Variants in LHFPL3 observed in about 807,000 individuals in gnomAD.
LHFPL3 encodes the protein LHFPL tetraspan subfamily member 3 protein.
LHFPL3 carries 5 observed loss-of-function variants against 19.3 expected under a neutral mutation model. That is an observed-to-expected ratio of 0.26 (90% CI 0.14 to 0.54). LHFPL3 has a LOEUF of 0.54. LHFPL3 is among the 20% of genes least tolerant of loss of function. The pLI is 0.94. For missense variants in LHFPL3, 249 were observed against 307.4 expected (o/e 0.81, Z 1.42); for synonymous variants, 133 against 126.2 (o/e 1.05, Z -0.36).
At chr7:104,740,459 C>T (rs1420721819) in intron 2 of LHFPL3, among the ~76,000 whole-genome samples, 2 of 152,174 alleles carry the variant, frequency 1.3e-5, no homozygotes, top group Non-Finnish European at 2.9e-5. Flanking sequence ...AACACACTTC[C>T]CCATTTATCT....
At chr7:104,632,973 A>T (rs1055601912) in intron 1 of LHFPL3, among the ~76,000 whole-genome samples, 3 of 152,194 alleles carry the variant, frequency 2.0e-5, no homozygotes, top group Non-Finnish European at 4.4e-5. Context: ...AACTATGAAT[A>T]CTATACAAGT....
intron 1 of LHFPL3, among the ~76,000 whole-genome samples, chr7:104,346,576 T>G (rs1441656820): frequency 6.6e-6 from 1 of 152,164 alleles, no homozygotes; most frequent in Non-Finnish European, 1.5e-5. Flanking sequence ...TCTCTCATAC[T>G]GGGTTAGCAT....
At chr7:104,397,996 C>G (rs1011067028) in intron 1 of LHFPL3, among the ~76,000 whole-genome samples, 5 of 151,936 alleles carry the variant, frequency 3.3e-5, no homozygotes, top group African/African-American at 1.2e-4. Flanking sequence ...ATGTTTATCT[C>G]TTTTAGGATG....
chr7:104,685,233 G>C (rs1489088610), intron 1 of LHFPL3, among the ~76,000 whole-genome samples: 1 of 152,190 alleles, frequency 6.6e-6, no homozygotes, highest in African/African-American at 2.4e-5. Context: ...TGTAGTCCCA[G>C]CTACTCAGGA....
intron 2 of LHFPL3, among the ~76,000 whole-genome samples, chr7:104,776,859 C>T (rs1794644414): frequency 6.6e-6 from 1 of 152,168 alleles, no homozygotes; most frequent in African/African-American, 2.4e-5. Context: ...TGGGCTTTTA[C>T]AACAGAGGAG....
At chr7:104,731,460 T>C (rs1793703544) in intron 1 of LHFPL3, among the ~76,000 whole-genome samples, 1 of 152,230 alleles carries the variant, frequency 6.6e-6, no homozygotes, top group African/African-American at 2.4e-5. Flanking sequence ...GTTGGATTCC[T>C]AGGTATTTTA....
chr7:104,513,699 T>C (rs1793865819), intron 1 of LHFPL3, among the ~76,000 whole-genome samples: 1 of 152,210 alleles, frequency 6.6e-6, no homozygotes, highest in Admixed American at 6.5e-5. Flanking sequence ...AGAACAGCAG[T>C]TCTCCATTTT....
At chr7:104,652,960 G>A (rs866680787) in intron 1 of LHFPL3, among the ~76,000 whole-genome samples, 6 of 152,074 alleles carry the variant, frequency 3.9e-5, no homozygotes, top group African/African-American at 1.4e-4. Flanking sequence ...ATCTCAGCTT[G>A]TTAACTGGTG....
intron 1 of LHFPL3, among the ~76,000 whole-genome samples, chr7:104,612,516 C>T (rs183425916): frequency 1.3e-5 from 2 of 152,262 alleles, no homozygotes; most frequent in East Asian, 1.9e-4. Flanking sequence ...AAAGACATCT[C>T]ATAAATTTTT....
At chr7:104,607,385 A>G (rs967136857) in intron 1 of LHFPL3, among the ~76,000 whole-genome samples, 6 of 152,212 alleles carry the variant, frequency 3.9e-5, no homozygotes, top group African/African-American at 1.4e-4. Context: ...GATGGTCTCA[A>G]AAGAGTTGTC....
chr7:104,570,734 G>A (rs1043007707), intron 1 of LHFPL3, among the ~76,000 whole-genome samples: 6 of 151,854 alleles, frequency 4.0e-5, no homozygotes, highest in African/African-American at 9.7e-5. Flanking sequence ...AGTTTGTTAC[G>A]TAGGTAAACT....
chr7:104,736,944 GCCTC>G (rs1474198154), intron 2 of LHFPL3, 33 bp downstream of exon 2: 2 of 1,509,730 alleles, frequency 1.3e-6, no homozygotes, highest in Non-Finnish European at 9.0e-7. Flanking sequence ...TTACCTGGAT[GCCTC>G]AAGCACAAAA....
chr7:104,503,419 C>A (rs1388805540), intron 1 of LHFPL3, among the ~76,000 whole-genome samples: 1 of 151,934 alleles, frequency 6.6e-6, no homozygotes, highest in East Asian at 1.9e-4. Context: ...CTGTATTTTT[C>A]TAGATTTTCT....
chr7:104,440,243 A>G (rs1246034954), intron 1 of LHFPL3, among the ~76,000 whole-genome samples: 1 of 152,114 alleles, frequency 6.6e-6, no homozygotes, highest in Non-Finnish European at 1.5e-5. Context: ...ATAAAAAAGG[A>G]TGAGTTCATG....
chr7:104,512,906 C>T (rs185422377), intron 1 of LHFPL3, among the ~76,000 whole-genome samples: 371 of 152,258 alleles, frequency 2.4e-3, no homozygotes, highest in Non-Finnish European at 3.0e-3. Flanking sequence ...CAGCTCTTTT[C>T]TCTGTCAGTC....
rs113929007 is a variant in LHFPL3, at chr7:104,514,001, G to A, written c.445+184777G>A. ...ACTGTGGCTGTAGTGATGAGGTTAA[G>A]TACATAATGGTTTTAAGGTAGAGGA... On this transcript the variant is annotated intron_variant, in intron 1 of 2. Transcript: ENST00000424859. 2.6e-3 allele frequency among the ~76,000 whole-genome samples: 401 copies of A among 152,226 alleles called. 2 individuals carry two copies. Among genetic ancestry groups the A allele is most frequent in the African/African-American group, 9.2e-3 (384 of 41,540 alleles).
intron 2 of LHFPL3, among the ~76,000 whole-genome samples, chr7:104,838,123 A>G (rs2116579196): frequency 6.6e-6 from 1 of 152,290 alleles, no homozygotes; most frequent in South Asian, 2.1e-4. Context: ...GCCATCCTGC[A>G]ATTAGCCATC....
intron 1 of LHFPL3, among the ~76,000 whole-genome samples, chr7:104,386,463 A>G (rs79667302): frequency 0.089 from 13,570 of 152,230 alleles, 661 homozygotes; most frequent in Non-Finnish European, 0.1. Context: ...TAAAAGGAAG[A>G]TGAGAGGAAC....
intron 1 of LHFPL3, among the ~76,000 whole-genome samples, chr7:104,508,622 ATAT>A (rs1453864421): frequency 6.6e-6 from 1 of 150,632 alleles, no homozygotes; most frequent in African/African-American, 2.4e-5. Context: ...AAAAAAATAT[ATAT>A]ATATACACAT....
Sources: allele counts gnomAD v4.1 joint callset (sites outside exome capture counted in the v4.1 genomes callset), GRCh38; gene constraint gnomAD v4.1.1; transcripts MANE v1.5; gene names NCBI Gene and HGNC (gene_info 2026-07-23, HGNC 2026-07-21).